TRPM3: variants seen among roughly 807,000 people sequenced by gnomAD.
TRPM3 encodes the protein long transient receptor potential channel 3.
Under a neutral mutation model 181.2 loss-of-function variants are expected in TRPM3, and 77 were observed. The observed-to-expected ratio is 0.42, with a 90% CI of 0.35 to 0.51. The LOEUF (loss-of-function observed/expected upper bound fraction) is 0.51. TRPM3 is among the 20% of genes least tolerant of loss of function. TRPM3 has a pLI of 0.01. For synonymous variants in TRPM3, 745 were observed against 796.4 expected, an observed-to-expected ratio of 0.94 and a Z score of 1.09; for missense variants, 1,759 against 2,196.7, an observed-to-expected ratio of 0.80 and a Z score of 3.98.
chr9:70,535,276 C>CA lies in TRPM3; in HGVS notation c.*676dup. 1.2e-6 allele frequency: 1 copy of CA among 821,752 alleles called. No homozygotes were observed. The highest frequency in any genetic ancestry group is 2.4e-4 in the Middle Eastern group (1 of 4,194). The allele number at this position is 821,752 out of a possible 1,614,324, so 50.9% of individuals were successfully genotyped here. A position where few individuals can be genotyped will look rare whatever the true frequency, so the allele number is the denominator to read the frequency against. On this transcript the variant is annotated 3_prime_UTR_variant, in exon 26 of 26. Transcript: ENST00000677713. The stretch of plus-strand genomic sequence containing the variant: ...GGCATTTCTGTTCCCTTATTTTCTT[C>CA]AAAAAAGGATAAACAGTTGTGGCAC...
intron 1 of TRPM3, among the ~76,000 whole-genome samples, chr9:71,189,891 T>C (rs62547688): frequency 0.017 from 2,569 of 151,958 alleles, 56 homozygotes; most frequent in African/African-American, 0.044. Flanking sequence ...TCTCCAAGAC[T>C]TTACATATCA....
At chr9:71,128,608 G>A (rs12347812) in intron 1 of TRPM3, among the ~76,000 whole-genome samples, 6,272 of 152,154 alleles carry the variant, frequency 0.041, 175 homozygotes, top group South Asian at 0.14. Context: ...ACACATGTAA[G>A]CACAAATACA....
chr9:71,434,422 C>CCTTGAT (rs1483218083), intron 1 of TRPM3, among the ~76,000 whole-genome samples: 4 of 152,208 alleles, frequency 2.6e-5, no homozygotes, highest in Non-Finnish European at 5.9e-5. Flanking sequence ...TCTGCCAGAA[C>CCTTGAT]CTTGATCTTG....
intron 1 of TRPM3, among the ~76,000 whole-genome samples, chr9:71,263,151 C>T (rs150362126): frequency 6.6e-6 from 1 of 152,286 alleles, no homozygotes; most frequent in East Asian, 1.9e-4. Flanking sequence ...TTACTTAAAA[C>T]TATTACAATC....
intron 1 of TRPM3, among the ~76,000 whole-genome samples, chr9:71,056,359 A>C (rs1219309203): frequency 6.6e-6 from 1 of 151,986 alleles, no homozygotes; most frequent in African/African-American, 2.4e-5. Context: ...AGATGATTTA[A>C]CTCTGATCCT....
At chr9:71,161,186 G>A (rs919586469) in intron 1 of TRPM3, among the ~76,000 whole-genome samples, 1 of 152,110 alleles carries the variant, frequency 6.6e-6, no homozygotes, top group African/African-American at 2.4e-5. Flanking sequence ...TTCTTTAGGA[G>A]GAAACTCCAA....
chr9:71,255,513 A>T (rs963114820), intron 1 of TRPM3, among the ~76,000 whole-genome samples: 1 of 152,190 alleles, frequency 6.6e-6, no homozygotes, highest in Non-Finnish European at 1.5e-5. Context: ...AAAACAATTA[A>T]CATAAAACAT....
intron 1 of TRPM3, among the ~76,000 whole-genome samples, chr9:71,430,349 G>A (rs1468912675): frequency 1.3e-5 from 2 of 152,088 alleles, no homozygotes; most frequent in Admixed American, 6.5e-5. Context: ...AGCACATTTT[G>A]CTTCTCTTAT....
At chr9:71,278,257 C>G (rs967576943) in intron 1 of TRPM3, among the ~76,000 whole-genome samples, 8 of 152,178 alleles carry the variant, frequency 5.3e-5, no homozygotes, top group Non-Finnish European at 1.2e-4. Context: ...GAGGAGAAAT[C>G]AACAACCTTT....
intron 1 of TRPM3, among the ~76,000 whole-genome samples, chr9:71,324,715 C>T (rs2089523486): frequency 6.6e-6 from 1 of 152,020 alleles, no homozygotes; most frequent in Non-Finnish European, 1.5e-5. Context: ...TGGAACCAAC[C>T]TAAGTGTCGA....
chr9:70,676,083 T>A (rs1029384291), intron 9 of TRPM3, among the ~76,000 whole-genome samples: 4 of 152,216 alleles, frequency 2.6e-5, no homozygotes, highest in South Asian at 4.1e-4. Flanking sequence ...TTGACATTTA[T>A]GAGGAGAAAC....
At chr9:71,216,760 T>C (rs866038142) in intron 1 of TRPM3, among the ~76,000 whole-genome samples, 1 of 152,266 alleles carries the variant, frequency 6.6e-6, no homozygotes. Flanking sequence ...ACTAGGCACA[T>C]AACTAGGTGC....
intron 1 of TRPM3, among the ~76,000 whole-genome samples, chr9:71,267,770 G>C (rs935082695): frequency 6.6e-6 from 1 of 152,028 alleles, no homozygotes; most frequent in Admixed American, 6.6e-5. Flanking sequence ...TGCACATGAC[G>C]GACAATGGCC....
At chr9:71,044,757 C>T (rs555135837) in intron 1 of TRPM3, among the ~76,000 whole-genome samples, 3 of 152,176 alleles carry the variant, frequency 2.0e-5, no homozygotes, top group Admixed American at 6.5e-5. Flanking sequence ...CTGCAACCTC[C>T]GCCTCCCGGG....
chr9:70,809,608 T>C (rs1270641709), intron 6 of TRPM3, among the ~76,000 whole-genome samples: 1 of 152,234 alleles, frequency 6.6e-6, no homozygotes, highest in African/African-American at 2.4e-5. Flanking sequence ...CCTAGGTGTG[T>C]AGTAGGTTAT....
At chr9:71,066,811 G>A (rs1344432609) in intron 1 of TRPM3, among the ~76,000 whole-genome samples, 1 of 152,094 alleles carries the variant, frequency 6.6e-6, no homozygotes, top group Non-Finnish European at 1.5e-5. Context: ...TTTTCCCCCT[G>A]TCAGTCTCTC....
intron 1 of TRPM3, among the ~76,000 whole-genome samples, chr9:71,180,709 TA>T (rs2077352964): frequency 6.6e-6 from 1 of 152,152 alleles, no homozygotes; most frequent in African/African-American, 2.4e-5. Context: ...TACTTTTTAC[TA>T]AAAAGAAGAA....
At chr9:71,080,171 A>AAAAT (rs71367253) in intron 1 of TRPM3, among the ~76,000 whole-genome samples, 11,198 of 133,108 alleles carry the variant, frequency 0.084, 529 homozygotes, top group Admixed American at 0.15. Context: ...ACTCCATCTC[A>AAAAT]AAATAAATAA....
intron 12 of TRPM3, among the ~76,000 whole-genome samples, chr9:70,634,183 C>T (rs1301018342): frequency 6.6e-6 from 1 of 152,172 alleles, no homozygotes; most frequent in African/African-American, 2.4e-5. Context: ...GATCTTGGCT[C>T]ACTGCAGCCT....
Sources: gnomAD v4.1 joint callset for allele counts (sites outside exome capture counted in the v4.1 genomes callset) on GRCh38, gnomAD v4.1.1 for gene constraint, MANE v1.5 for transcripts, NCBI Gene and HGNC (gene_info 2026-07-23, HGNC 2026-07-21) for gene names.